Variants in HIPK2 observed in about 807,000 individuals in gnomAD.
HIPK2 encodes the protein homeodomain-interacting protein kinase 2.
In HIPK2, 27 loss-of-function variants were observed where a neutral mutation model predicts 113.7. That is an observed-to-expected ratio of 0.24 (90% CI 0.17 to 0.33). The LOEUF is 0.33. Ranked by LOEUF, HIPK2 falls within the 10% of genes least tolerant of loss-of-function variation. HIPK2 has a pLI of 1.00. For synonymous variants in HIPK2, 631 were observed against 642.2 expected (o/e 0.98, Z 0.26); for missense variants, 1,257 against 1,588.0 (o/e 0.79, Z 3.54).
chr7:139,655,612 GCT>G (rs1162122575), intron 2 of HIPK2, among the ~76,000 whole-genome samples: 1 of 152,180 alleles, frequency 6.6e-6, no homozygotes, highest in African/African-American at 2.4e-5. Flanking sequence ...AGGTGGCAAT[GCT>G]TGTCCCTGCT....
intron 1 of HIPK2, among the ~76,000 whole-genome samples, chr7:139,758,488 C>A (rs1569485297): frequency 6.6e-6 from 1 of 152,116 alleles, no homozygotes; most frequent in Non-Finnish European, 1.5e-5. Flanking sequence ...CCCCACCCCG[C>A]CCTGGCCCGG....
rs1795173834 is a variant in HIPK2 at position 139,714,858 on chromosome 7, C to T, written c.1103+1074G>A. 6.6e-6 allele frequency among the ~76,000 whole-genome samples: 1 copy of T among 152,224 alleles called. No individual in the cohort carries two copies. Among genetic ancestry groups the T allele is most frequent in the African/African-American group, 2.4e-5 (1 of 41,456 alleles). On this transcript the variant is annotated intron_variant, in intron 2 of 14. Coordinates refer to ENST00000406875, the MANE Select transcript of HIPK2 (RefSeq NM_022740.5). The surrounding 1 kb of genome is among the most constrained non-coding windows in gnomAD (Gnocchi z 4.2). ...CCCTGCCGCCTCCCCGCTGTGCACCCGCCATGGCCAGCCACGGAGTGACAC... is the reference window on the plus strand; with the variant it reads ...CCCTGCCGCCTCCCCGCTGTGCACCTGCCATGGCCAGCCACGGAGTGACAC...
intron 2 of HIPK2, among the ~76,000 whole-genome samples, chr7:139,671,775 C>A (rs1035035128): frequency 6.6e-6 from 1 of 152,106 alleles, no homozygotes; most frequent in Non-Finnish European, 1.5e-5. Flanking sequence ...TGGTCTCGAA[C>A]GACCTCAGGT....
At chr7:139,674,441 C>T (rs1193279081) in intron 2 of HIPK2, among the ~76,000 whole-genome samples, 7 of 152,150 alleles carry the variant, frequency 4.6e-5, no homozygotes, top group African/African-American at 1.7e-4. Flanking sequence ...AGCGCAAATC[C>T]ATCCTGGGGA....
At chr7:139,712,425 C>T (rs78500600) in intron 2 of HIPK2, among the ~76,000 whole-genome samples, 1,723 of 152,296 alleles carry the variant, frequency 0.011, 23 homozygotes, top group African/African-American at 0.039. Flanking sequence ...CAGAGGGACA[C>T]ATAAGTACTC....
At chr7:139,759,362 A>G (rs1230118566) in intron 1 of HIPK2, among the ~76,000 whole-genome samples, 1 of 152,256 alleles carries the variant, frequency 6.6e-6, no homozygotes, top group Non-Finnish European at 1.5e-5. Context: ...TAAACCCTAC[A>G]GGAAGAATTT....
At chr7:139,659,841 T>C (rs536764364) in intron 2 of HIPK2, among the ~76,000 whole-genome samples, 2 of 152,250 alleles carry the variant, frequency 1.3e-5, no homozygotes, top group Non-Finnish European at 2.9e-5. Context: ...CTGATCCCTC[T>C]ACATATGCCA....
intron 8 of HIPK2, 145 bp downstream of exon 8, chr7:139,614,141 A>T: frequency 1.4e-6 from 1 of 727,042 alleles, no homozygotes. Context: ...GGAGCCCTCT[A>T]GTTCAGTGAT....
In HIPK2 at chr7:139,647,065, G is replaced by A. The variant is rs149018348; in HGVS notation, c.1104-15340C>T. Among the ~76,000 whole-genome samples, 9 of 151,402 alleles carry A rather than the reference G, an allele frequency of 5.9e-5. No individual in the cohort carries two copies. The East Asian group carries it at 1.5e-3, about 26-fold the overall frequency. On this transcript the variant is annotated intron_variant, in intron 2 of 14. Coordinates refer to ENST00000406875, the MANE Select transcript of HIPK2 (RefSeq NM_022740.5). ...CCCTCCTGTGCTCTATTCCTACAAC[G>A]CTAACTATGTCTCTACTGCCAATTC...
At chr7:139,669,636 C>G (rs1802190232) in intron 2 of HIPK2, among the ~76,000 whole-genome samples, 1 of 123,252 alleles carries the variant, frequency 8.1e-6, no homozygotes, top group Non-Finnish European at 1.6e-5. Context: ...CGCAAAAACA[C>G]TGTCACAGCC....
At chr7:139,724,328 T>C (rs1795505030) in intron 1 of HIPK2, among the ~76,000 whole-genome samples, 1 of 152,198 alleles carries the variant, frequency 6.6e-6, no homozygotes, top group South Asian at 2.1e-4. Flanking sequence ...ATTAAGTTTA[T>C]ATTTCACAAG....
At chr7:139,574,620 C>T (rs879630737) in intron 14 of HIPK2, among the ~76,000 whole-genome samples, 3 of 152,238 alleles carry the variant, frequency 2.0e-5, no homozygotes, top group Non-Finnish European at 2.9e-5. Context: ...GCCCTTGACA[C>T]AGACAGCCCT....
At chr7:139,612,279 T>C (rs2116774382) in intron 9 of HIPK2, among the ~76,000 whole-genome samples, 1 of 152,266 alleles carries the variant, frequency 6.6e-6, no homozygotes, top group East Asian at 1.9e-4. Context: ...AATAGTGTCT[T>C]TGGGAAAAGC....
intron 2 of HIPK2, among the ~76,000 whole-genome samples, chr7:139,638,485 C>A (rs1800886981): frequency 6.6e-6 from 1 of 152,128 alleles, no homozygotes; most frequent in African/African-American, 2.4e-5. Context: ...CCCCACAGAA[C>A]CATCTTAAAG....
intron 2 of HIPK2, among the ~76,000 whole-genome samples, chr7:139,702,685 G>A (rs1266879460): frequency 2.0e-5 from 3 of 152,164 alleles, no homozygotes; most frequent in South Asian, 4.1e-4. Flanking sequence ...TGCAGGCCAT[G>A]GGCGTAAATA....
In HIPK2 at chr7:139,567,692, G is replaced by C. The variant is rs552386817; in HGVS notation, c.*5235C>G. On this transcript the variant is annotated 3_prime_UTR_variant, in exon 15 of 15. Transcript: ENST00000406875. ...GAAGCCTGCAAAGTCCCTGGGGCTG[G>C]AATGTCTTGTGGCCAAGTCACTCCT... 6.6e-6 allele frequency: 1 copy of C among 152,364 alleles called. No individual in the cohort carries two copies. The highest frequency in any genetic ancestry group is 2.1e-4 in the South Asian group (1 of 4,826). 9.4% of individuals were successfully genotyped at this position (152,364 alleles called of 1,614,324 possible).
intron 1 of HIPK2, among the ~76,000 whole-genome samples, chr7:139,735,084 T>C (rs1404400156): frequency 6.6e-6 from 1 of 151,872 alleles, no homozygotes; most frequent in African/African-American, 2.4e-5. Flanking sequence ...AAGTAAGTCA[T>C]AGGTTTTTCA....
At chr7:139,575,855 C>G (rs934626213) in intron 13 of HIPK2, among the ~76,000 whole-genome samples, 4 of 152,224 alleles carry the variant, frequency 2.6e-5, no homozygotes, top group African/African-American at 9.6e-5. Flanking sequence ...GGCCCCCTCA[C>G]CCTCATGCTC....
At chr7:139,760,014 T>G (rs577416080) in intron 1 of HIPK2, among the ~76,000 whole-genome samples, 16 of 151,940 alleles carry the variant, frequency 1.1e-4, no homozygotes, top group Non-Finnish European at 2.2e-4. Context: ...TGTTTTTTTT[T>G]TTTTCTGAGA....
Sources: gnomAD v4.1 joint callset for allele counts (sites outside exome capture counted in the v4.1 genomes callset) on GRCh38, gnomAD v4.1.1 for gene constraint, Gnocchi (gnomAD v3.1) non-coding constraint, MANE v1.5 for transcripts, NCBI Gene and HGNC (gene_info 2026-07-23, HGNC 2026-07-21) for gene names.